Variants in ADK observed in about 807,000 individuals in gnomAD.
The protein encoded by ADK is adenosine kinase.
A neutral mutation model predicts 44.7 loss-of-function variants in ADK; 24 were observed. The observed-to-expected ratio is 0.54, with a 90% CI of 0.39 to 0.76. ADK has a LOEUF of 0.76. Among genes scored for constraint, ADK ranks in the 30% least tolerant of loss-of-function variants. The probability of loss-of-function intolerance (pLI) is 0.00; values close to 1 mark genes in which losing one functional copy is unlikely to be tolerated. For synonymous variants in ADK, 128 were observed against 142.6 expected (o/e 0.90, Z 0.73); for missense variants, 321 against 425.1 (o/e 0.76, Z 2.15).
chr10:74,380,828 A>G (rs1243772130), intron 4 of ADK, among the ~76,000 whole-genome samples: 5 of 152,148 alleles, frequency 3.3e-5, no homozygotes, highest in Non-Finnish European at 7.3e-5. Context: ...AAATAATTAT[A>G]CTCATATAGT....
At chr10:74,153,892 T>C (rs1055991409) in intron 1 of ADK, among the ~76,000 whole-genome samples, 8 of 152,330 alleles carry the variant, frequency 5.3e-5, no homozygotes, top group Non-Finnish European at 7.4e-5. Flanking sequence ...GTCTTTTCCT[T>C]CAGTTTGTCT....
chr10:74,471,247 TCA>T (rs1846578725), intron 6 of ADK, among the ~76,000 whole-genome samples: 1 of 151,976 alleles, frequency 6.6e-6, no homozygotes, highest in Non-Finnish European at 1.5e-5. Flanking sequence ...GCTAATTTTT[TCA>T]GTTTTTAGTA....
chr10:74,572,736 G>A lies in ADK; in HGVS notation c.727-16546G>A, dbSNP rs543501826. ...CTTTTTTCTCTAAACTTCCCTTCTC[G>A]CTTCATTTCATTCATTTCATCTTCC... On this transcript the variant is annotated intron_variant, in intron 7 of 10. Coordinates refer to ENST00000539909, the MANE Select transcript of ADK (RefSeq NM_006721.4). Among the ~76,000 whole-genome samples the A allele has an allele frequency of 2.0e-4, 31 of 151,904 alleles. No individual in the cohort carries two copies. In the South Asian group the frequency reaches 3.7e-3, roughly 18 times the overall value.
intron 4 of ADK, among the ~76,000 whole-genome samples, chr10:74,368,992 C>T (rs1443832084): frequency 6.6e-6 from 1 of 152,250 alleles, no homozygotes; most frequent in African/African-American, 2.4e-5. Flanking sequence ...GTATTTTTCT[C>T]CAGGGTGTTG....
Position 74,394,190 on chromosome 10 carries a change from G to T in ADK, c.323G>T (p.Gly108Val), listed in dbSNP as rs757363781. The change falls in exon 5 of 11, where the codon GGG becomes GTG. Residue 108 changes from glycine to valine, a missense_variant. Physicochemically the swap from Gly to Val is moderately radical, Grantham distance 109. Transcript: ENST00000539909. ...HKAATFFGCI[G>V]IDKFGEILKR... ...GCAGCAACATTTTTTGGATGCATTG[G>T]GATAGATAAATTTGGGGAGATCCTG... 1 of 1,613,936 alleles carries T rather than the reference G, an allele frequency of 6.2e-7. No individual in the cohort carries two copies. Among genetic ancestry groups the T allele is most frequent in the Non-Finnish European group, 8.5e-7 (1 of 1,179,954 alleles).
chr10:74,440,528 C>T (rs1845365287), intron 6 of ADK, among the ~76,000 whole-genome samples: 1 of 151,910 alleles, frequency 6.6e-6, no homozygotes, highest in South Asian at 2.1e-4. Flanking sequence ...TTTATCATAC[C>T]CTAATGAGAT....
In ADK at chr10:74,347,106, C is replaced by CAAAAAAAAAAA. The variant is rs58074760; in HGVS notation, c.273+32387_273+32397dup. Among the ~76,000 whole-genome samples the CAAAAAAAAAAA allele has an allele frequency of 1.6e-4, 15 of 92,298 alleles. 2 individuals are homozygous for CAAAAAAAAAAA. The highest frequency in any genetic ancestry group is 7.5e-4 in the African/African-American group (11 of 14,578). The allele number at this position is 92,298 out of a possible 152,430, so 60.6% of individuals were successfully genotyped here. On this transcript the variant is annotated intron_variant, in intron 4 of 10. Transcript: ENST00000539909. Reference sequence around the variant, plus strand: ...TGGGCGACAGAGCGACACTCTGTCTCAAAAAAAAAAAAAAAAAAAAAAAAA... The same window carrying CAAAAAAAAAAA: ...TGGGCGACAGAGCGACACTCTGTCTCAAAAAAAAAAAAAAAAAAAAAAAAAAAAAAAAAAAA...
chr10:74,237,602 C>A (rs10824124), intron 3 of ADK, among the ~76,000 whole-genome samples: 1 of 152,042 alleles, frequency 6.6e-6, no homozygotes, highest in Non-Finnish European at 1.5e-5. Flanking sequence ...TTTGTCTGAT[C>A]CATCAGAGGA....
intron 9 of ADK, among the ~76,000 whole-genome samples, chr10:74,662,265 G>A (rs1014463536): frequency 3.3e-5 from 5 of 151,986 alleles, no homozygotes; most frequent in African/African-American, 1.2e-4. Flanking sequence ...TCCATTGTCC[G>A]TTCTCTATCA....
chr10:74,259,435 G>A (rs533519424), intron 3 of ADK, among the ~76,000 whole-genome samples: 1 of 148,936 alleles, frequency 6.7e-6, no homozygotes, highest in East Asian at 2.0e-4. Flanking sequence ...TTATAAACTC[G>A]ATGTAATCAT....
chr10:74,394,738 A>G (rs750877713), intron 5 of ADK, among the ~76,000 whole-genome samples: 1 of 152,156 alleles, frequency 6.6e-6, no homozygotes, highest in Non-Finnish European at 1.5e-5. Context: ...TTTTATGTAT[A>G]TAAAATACAA....
At chr10:74,686,685 T>C (rs1855801065) in intron 10 of ADK, among the ~76,000 whole-genome samples, 1 of 152,144 alleles carries the variant, frequency 6.6e-6, no homozygotes, top group African/African-American at 2.4e-5. Context: ...TTGTTTTTTG[T>C]GTTTCTTTTT....
intron 6 of ADK, among the ~76,000 whole-genome samples, chr10:74,499,038 G>A (rs547939325): frequency 2.0e-5 from 3 of 152,196 alleles, no homozygotes; most frequent in African/African-American, 7.2e-5. Flanking sequence ...TCTTTACCCT[G>A]ACATGTATTG....
intron 9 of ADK, among the ~76,000 whole-genome samples, chr10:74,658,924 G>A (rs1429186523): frequency 2.6e-5 from 4 of 151,894 alleles, no homozygotes; most frequent in Non-Finnish European, 2.9e-5. Context: ...ATATATATGT[G>A]TATATATATA....
chr10:74,689,192 T>C (rs1272603756), intron 10 of ADK, among the ~76,000 whole-genome samples: 1 of 151,846 alleles, frequency 6.6e-6, no homozygotes, highest in Admixed American at 6.6e-5. Flanking sequence ...GAGCTTGCAG[T>C]GAGCCAAGAT....
chr10:74,512,793 C>G (rs1848394145), intron 6 of ADK, among the ~76,000 whole-genome samples: 1 of 150,470 alleles, frequency 6.6e-6, no homozygotes, highest in Non-Finnish European at 1.5e-5. Flanking sequence ...TATTTCTTTC[C>G]TTCCATTAAT....
In ADK at chr10:74,298,594, A is replaced by G. The variant is rs149661831; in HGVS notation, c.195-16073A>G. Among the ~76,000 whole-genome samples the G allele has an allele frequency of 2.6e-3, 399 of 152,198 alleles. 1 individual carries two copies. Among genetic ancestry groups the G allele is most frequent in the South Asian group, 0.015 (71 of 4,810 alleles). On this transcript the variant is annotated intron_variant, in intron 3 of 10. Coordinates refer to ENST00000539909, the MANE Select transcript of ADK (RefSeq NM_006721.4). ...ATAGTGAGACCCTATCTTTTCAAAA[A>G]TAAAAATAAAAAGAGTATTGAGGAT...
chr10:74,211,156 A>G (rs550428704), intron 2 of ADK, among the ~76,000 whole-genome samples: 1 of 152,294 alleles, frequency 6.6e-6, no homozygotes, highest in Admixed American at 6.5e-5. Flanking sequence ...AAGTGCTGGG[A>G]TTACAGGTGT....
At chr10:74,482,872 G>A (rs750905466) in intron 6 of ADK, among the ~76,000 whole-genome samples, 7 of 152,126 alleles carry the variant, frequency 4.6e-5, no homozygotes, top group African/African-American at 9.7e-5. Flanking sequence ...GCAGTTCTGC[G>A]TCTGTTGCTC....
Sources: allele counts gnomAD v4.1 joint callset (sites outside exome capture counted in the v4.1 genomes callset), GRCh38; gene constraint gnomAD v4.1.1; transcripts MANE v1.5; gene names NCBI Gene and HGNC (gene_info 2026-07-23, HGNC 2026-07-21).